SBF2: variants seen among roughly 807,000 people sequenced by gnomAD.
SBF2 encodes the protein SET binding factor 2.
Under a neutral mutation model 225.2 loss-of-function variants are expected in SBF2, and 112 were observed. That is an observed-to-expected ratio of 0.50 (90% CI 0.43 to 0.58). SBF2 has a LOEUF of 0.58. Among genes scored for constraint, SBF2 ranks in the 20% least tolerant of loss-of-function variants. SBF2 has a pLI of 0.00. For synonymous variants in SBF2, 763 were observed against 773.3 expected (o/e 0.99, Z 0.22); for missense variants, 1,996 against 2,206.2 (o/e 0.90, Z 1.91).
At chr11:9,929,903 G>T (rs1052427213) in intron 16 of SBF2, among the ~76,000 whole-genome samples, 2 of 152,038 alleles carry the variant, frequency 1.3e-5, no homozygotes, top group East Asian at 3.8e-4. Context: ...TGATTGTAAC[G>T]GTTCCTATTC....
At chr11:10,121,114 G>T (rs946668197) in intron 2 of SBF2, among the ~76,000 whole-genome samples, 3 of 152,048 alleles carry the variant, frequency 2.0e-5, no homozygotes, top group Non-Finnish European at 4.4e-5. Flanking sequence ...TAATGGGTGC[G>T]GTGTGACATC....
intron 1 of SBF2, among the ~76,000 whole-genome samples, chr11:10,215,239 A>T (rs1393810673): frequency 6.6e-6 from 1 of 152,194 alleles, no homozygotes; most frequent in Non-Finnish European, 1.5e-5. Context: ...CAGAAAACAA[A>T]GCAGCCTATA....
At chr11:10,136,901 A>G (rs1565272785) in intron 2 of SBF2, among the ~76,000 whole-genome samples, 1 of 152,148 alleles carries the variant, frequency 6.6e-6, no homozygotes, top group African/African-American at 2.4e-5. Flanking sequence ...TAGCTATTCT[A>G]ATTCCTTCAA....
At chr11:10,121,710 G>A (rs1035704591) in intron 2 of SBF2, among the ~76,000 whole-genome samples, 3 of 152,216 alleles carry the variant, frequency 2.0e-5, no homozygotes, top group African/African-American at 2.4e-5. Flanking sequence ...ATAAATTACA[G>A]TTGTCCTCTT....
intron 2 of SBF2, among the ~76,000 whole-genome samples, chr11:10,147,098 G>A (rs920607637): frequency 1.3e-5 from 2 of 151,524 alleles, no homozygotes; most frequent in African/African-American, 2.4e-5. Flanking sequence ...GGAGAAAAGG[G>A]AACACTTATA....
intron 15 of SBF2, among the ~76,000 whole-genome samples, chr11:9,963,075 T>C (rs1385979644): frequency 6.6e-6 from 1 of 152,224 alleles, no homozygotes; most frequent in Non-Finnish European, 1.5e-5. Context: ...CAAGAAAACA[T>C]GCTCTAAGGA....
intron 16 of SBF2, among the ~76,000 whole-genome samples, chr11:9,939,225 A>G (rs1485963590): frequency 1.3e-5 from 2 of 152,040 alleles, no homozygotes; most frequent in Non-Finnish European, 2.9e-5. Context: ...CCTTCCAAGT[A>G]GCTGGGATTA....
chr11:10,171,584 T>C (rs943341054), intron 2 of SBF2, among the ~76,000 whole-genome samples: 4 of 152,200 alleles, frequency 2.6e-5, no homozygotes, highest in African/African-American at 9.6e-5. Context: ...ATCAGGGAAA[T>C]TGGCCTATGG....
intron 2 of SBF2, among the ~76,000 whole-genome samples, chr11:10,085,008 C>T (rs911981362): frequency 6.6e-6 from 1 of 151,984 alleles, no homozygotes; most frequent in African/African-American, 2.4e-5. Context: ...GTGATGGATA[C>T]CCTAAAAGCC....
chr11:9,780,111 G>A lies in SBF2; in HGVS notation c.*307C>T. 3 of 397,826 alleles carry A rather than the reference G, an allele frequency of 7.5e-6. No homozygotes were observed. Among genetic ancestry groups the A allele is most frequent in the Non-Finnish European group, 1.4e-5 (3 of 209,654 alleles). 24.6% of individuals were successfully genotyped at this position (397,826 alleles called of 1,614,324 possible). A position where few individuals can be genotyped will look rare whatever the true frequency, so the allele number is the denominator to read the frequency against. The stretch of plus-strand genomic sequence containing the variant: ...TTCATGAAGAAGGACCCAAGTAGGT[G>A]GTAGCCATTTTGCCTGGGTGAGGTT... On this transcript the variant is annotated 3_prime_UTR_variant, in exon 40 of 40. Transcript: ENST00000256190.
At chr11:9,948,777 T>A (rs925153993) in intron 16 of SBF2, among the ~76,000 whole-genome samples, 1 of 152,200 alleles carries the variant, frequency 6.6e-6, no homozygotes, top group African/African-American at 2.4e-5. Context: ...AAGATAAGCA[T>A]CATTAGCTTA....
chr11:9,985,607 G>A (rs573062702), intron 13 of SBF2, among the ~76,000 whole-genome samples: 6 of 152,248 alleles, frequency 3.9e-5, no homozygotes, highest in African/African-American at 9.6e-5. Flanking sequence ...ACAGGTGTGC[G>A]ACACCACGCC....
At chr11:10,182,176 A>G in intron 2 of SBF2, among the ~76,000 whole-genome samples, 1 of 152,240 alleles carries the variant, frequency 6.6e-6, no homozygotes, top group East Asian at 1.9e-4. Context: ...TACAGTAATT[A>G]GGATGTATGG....
intron 16 of SBF2, among the ~76,000 whole-genome samples, chr11:9,951,886 A>G (rs1294975995): frequency 3.3e-5 from 5 of 152,246 alleles, no homozygotes; most frequent in African/African-American, 1.2e-4. Context: ...TCATTCCCTG[A>G]AAGGAGAAGT....
intron 17 of SBF2, among the ~76,000 whole-genome samples, chr11:9,878,466 C>G (rs1477029429): frequency 6.6e-6 from 1 of 152,108 alleles, no homozygotes; most frequent in Non-Finnish European, 1.5e-5. Flanking sequence ...GAAGTCCTTG[C>G]CCATGCCAAT....
At chr11:10,233,565 C>A (rs35380986) in intron 1 of SBF2, among the ~76,000 whole-genome samples, 32,582 of 148,702 alleles carry the variant, frequency 0.22, 4,167 homozygotes, top group Non-Finnish European at 0.3. Context: ...ATATATCTCT[C>A]TCTCTCAAAG....
intron 2 of SBF2, among the ~76,000 whole-genome samples, chr11:10,184,265 C>T (rs190307217): frequency 2.0e-3 from 302 of 152,266 alleles, no homozygotes; most frequent in African/African-American, 6.6e-3. Context: ...CATGTCTATT[C>T]CTTAAGCTAA....
chr11:10,108,618 G>A (rs1044100487), intron 2 of SBF2, among the ~76,000 whole-genome samples: 9 of 143,952 alleles, frequency 6.3e-5, no homozygotes, highest in South Asian at 2.2e-4. Flanking sequence ...TCCGCCTCCC[G>A]GGTTCATGCC....
intron 28 of SBF2, chr11:9,828,770 T>C (rs1361124561): frequency 3.6e-6 from 1 of 280,726 alleles, no homozygotes; most frequent in Non-Finnish European, 5.4e-6. Flanking sequence ...AATACACATT[T>C]AACAAACATG....
Sources: allele counts gnomAD v4.1 joint callset (sites outside exome capture counted in the v4.1 genomes callset), GRCh38; gene constraint gnomAD v4.1.1; transcripts MANE v1.5; gene names NCBI Gene and HGNC (gene_info 2026-07-23, HGNC 2026-07-21).